CDH13: variants seen among roughly 807,000 people sequenced by gnomAD.
CDH13 encodes cadherin 13, also known as cadherin-13.
A neutral mutation model predicts 63.8 loss-of-function variants in CDH13; 24 were observed. The observed-to-expected ratio is 0.38, with a 90% confidence interval of 0.27 to 0.53. The LOEUF (loss-of-function observed/expected upper bound fraction) is 0.53. CDH13 is among the 20% of genes least tolerant of loss of function. The pLI, the probability that CDH13 is intolerant of heterozygous loss-of-function variation, is 0.85. For missense variants in CDH13, 1,049 were observed against 903.1 expected, an observed-to-expected ratio of 1.16 and a Z score of -2.07; for synonymous variants, 503 against 355.3, an observed-to-expected ratio of 1.42 and a Z score of -4.67.
chr16:82,949,220 G>C (rs924970036), intron 2 of CDH13, among the ~76,000 whole-genome samples: 1 of 152,162 alleles, frequency 6.6e-6, no homozygotes, highest in East Asian at 1.9e-4. Context: ...AGAGTGTCTA[G>C]GGGAGGATTC....
chr16:83,149,465 A>C (rs2036883971), intron 4 of CDH13, among the ~76,000 whole-genome samples: 1 of 152,234 alleles, frequency 6.6e-6, no homozygotes, highest in Non-Finnish European at 1.5e-5. Context: ...TCATATGGGC[A>C]GGAACTGAGA....
At chr16:83,325,917 T>G (rs2090349640) in intron 5 of CDH13, among the ~76,000 whole-genome samples, 2 of 152,172 alleles carry the variant, frequency 1.3e-5, no homozygotes, top group South Asian at 4.1e-4. Context: ...GTCCACAATG[T>G]CCCTTCTTCT....
rs532632282 is a variant in CDH13 at position 83,611,625 on chromosome 16, A to G, written c.1101+9031A>G. 2.3e-4 allele frequency among the ~76,000 whole-genome samples: 35 copies of G among 151,448 alleles called. No homozygotes were observed. In the South Asian group the frequency reaches 6.7e-3, roughly 29 times the overall value. ...ATGATACTTTAATCATTGATTTTCA[A>G]TCTTTCTTTTTTTCTAATGTATGGA... On this transcript the variant is annotated intron_variant, in intron 8 of 13. Transcript: ENST00000567109.
intron 6 of CDH13, among the ~76,000 whole-genome samples, chr16:83,417,453 G>A (rs1043631317): frequency 3.3e-5 from 5 of 152,024 alleles, no homozygotes; most frequent in Admixed American, 2.0e-4. Context: ...ATCTTAACCT[G>A]TCGTGACACC....
intron 7 of CDH13, among the ~76,000 whole-genome samples, chr16:83,548,096 A>AG (rs66755956): frequency 1.3e-5 from 2 of 151,748 alleles, no homozygotes; most frequent in African/African-American, 4.8e-5. Flanking sequence ...TGGAGCAGGA[A>AG]GGGGGGGATG....
In CDH13 at chr16:83,270,011, T is replaced by C. The variant is rs2088752889; in HGVS notation, c.636+52514T>C. ...ATAATGTACTACACCTCCTGAGAAA[T>C]AGATCTTCTGCAACATTTTCATTAA... On this transcript the variant is annotated intron_variant, in intron 5 of 13. Coordinates refer to ENST00000567109, the MANE Select transcript of CDH13 (RefSeq NM_001257.5). 2.6e-5 allele frequency among the ~76,000 whole-genome samples: 4 copies of C among 152,214 alleles called. 1 individual carries two copies. The highest frequency in any genetic ancestry group is 2.6e-4 in the Admixed American group (4 of 15,280).
intron 8 of CDH13, among the ~76,000 whole-genome samples, chr16:83,647,652 AT>A (rs1422831157): frequency 1.3e-5 from 2 of 152,170 alleles, no homozygotes; most frequent in African/African-American, 4.8e-5. Context: ...AAATTGACAG[AT>A]TTTTCCATAT....
chr16:83,573,987 A>G (rs1310266592), intron 7 of CDH13, among the ~76,000 whole-genome samples: 1 of 152,024 alleles, frequency 6.6e-6, no homozygotes, highest in East Asian at 1.9e-4. Context: ...GGAGATGAGG[A>G]TCCCCAGATA....
intron 6 of CDH13, among the ~76,000 whole-genome samples, chr16:83,374,882 C>G (rs1397839408): frequency 6.6e-6 from 1 of 152,196 alleles, no homozygotes; most frequent in African/African-American, 2.4e-5. Flanking sequence ...TTCAGAATAT[C>G]TCCTTTCTAC....
Position 83,054,686 on chromosome 16 carries a change from A to G in CDH13, c.366+22468A>G, listed in dbSNP as rs8063131. 8.2e-4 allele frequency among the ~76,000 whole-genome samples: 125 copies of G among 152,294 alleles called. 1 individual carries two copies. Among genetic ancestry groups the G allele is most frequent in the African/African-American group, 2.7e-3 (112 of 41,574 alleles). The stretch of plus-strand genomic sequence containing the variant: ...ACAGATAAGAGGGTGACTGGTGTAT[A>G]AAATAAAACTAATATATATAATAGA... On this transcript the variant is annotated intron_variant, in intron 3 of 13. Transcript: ENST00000567109.
At chr16:83,372,749 T>TCA (rs1555537364) in intron 6 of CDH13, among the ~76,000 whole-genome samples, 1,156 of 95,342 alleles carry the variant, frequency 0.012, 77 homozygotes, top group African/African-American at 0.036. Flanking sequence ...AGACTCGGTC[T>TCA]AAAAAAAAAA....
rs549933070 is a variant in CDH13 at position 82,751,234 on chromosome 16, T to C, written c.46-107128T>C. On this transcript the variant is annotated intron_variant, in intron 1 of 13. Transcript: ENST00000567109. ...TGGGCTTGCAACATGTACAATTGCATAGGGCCCTGTGCTTAACAGGAGGGC... is the reference window on the plus strand; with the variant it reads ...TGGGCTTGCAACATGTACAATTGCACAGGGCCCTGTGCTTAACAGGAGGGC... Among the ~76,000 whole-genome samples, 4 of 152,334 alleles carry C rather than the reference T, an allele frequency of 2.6e-5. No individual in the cohort carries two copies. The East Asian group carries it at 7.7e-4, about 29-fold the overall frequency.
At chr16:83,142,073 G>A (rs552518879) in intron 4 of CDH13, among the ~76,000 whole-genome samples, 16 of 152,102 alleles carry the variant, frequency 1.1e-4, no homozygotes, top group African/African-American at 3.6e-4. Flanking sequence ...GGAGAACAAC[G>A]GATATAACCG....
rs544056630 is a variant in CDH13 at position 83,007,995 on chromosome 16, A to C, written c.158-24015A>C. 3.3e-5 allele frequency among the ~76,000 whole-genome samples: 5 copies of C among 152,224 alleles called. No individual in the cohort carries two copies. The South Asian group carries it at 8.3e-4, about 25-fold the overall frequency. On this transcript the variant is annotated intron_variant, in intron 2 of 13. Transcript: ENST00000567109. ...CCTACCGACTTACTTGGCTATTTTC[A>C]TTCATCATTAAGTGATTGATGGATC...
chr16:82,900,505 G>A (rs1490428409), intron 2 of CDH13, among the ~76,000 whole-genome samples: 1 of 152,146 alleles, frequency 6.6e-6, no homozygotes, highest in Non-Finnish European at 1.5e-5. Flanking sequence ...CAAGAGATAA[G>A]AAATAACTTC....
intron 10 of CDH13, among the ~76,000 whole-genome samples, chr16:83,729,719 A>G (rs1473404375): frequency 2.6e-5 from 4 of 152,224 alleles, no homozygotes; most frequent in African/African-American, 9.6e-5. Context: ...GTGCTTGGAA[A>G]TTCCCTGGCA....
chr16:83,188,103 C>A (rs1202405250), intron 4 of CDH13, among the ~76,000 whole-genome samples: 1 of 152,182 alleles, frequency 6.6e-6, no homozygotes, highest in Non-Finnish European at 1.5e-5. Context: ...TCTTGGAGCC[C>A]ACCATGAGGA....
At chr16:82,674,935 A>T (rs941229905) in intron 1 of CDH13, among the ~76,000 whole-genome samples, 2 of 152,254 alleles carry the variant, frequency 1.3e-5, no homozygotes, top group Non-Finnish European at 2.9e-5. Flanking sequence ...TTTGATGGAT[A>T]TCAAAAAGCT....
rs1426622109 is a variant in CDH13 at position 83,562,387 on chromosome 16, C to G, written c.961-40067C>G. Among the ~76,000 whole-genome samples, 3 of 152,336 alleles carry G rather than the reference C, an allele frequency of 2.0e-5. 1 individual carries two copies. Among genetic ancestry groups the G allele is most frequent in the African/African-American group, 4.8e-5 (2 of 41,586 alleles). On this transcript the variant is annotated intron_variant, in intron 7 of 13. Coordinates refer to ENST00000567109, the MANE Select transcript of CDH13 (RefSeq NM_001257.5). ...AAAAATTAGCAAACAGCACCAACTTCTTTTCTTATGTAACCCACAGTGAAC... is the reference window on the plus strand; with the variant it reads ...AAAAATTAGCAAACAGCACCAACTTGTTTTCTTATGTAACCCACAGTGAAC...
Sources: gnomAD v4.1 joint callset for allele counts (sites outside exome capture counted in the v4.1 genomes callset) on GRCh38, gnomAD v4.1.1 for gene constraint, MANE v1.5 for transcripts, NCBI Gene and HGNC (gene_info 2026-07-23, HGNC 2026-07-21) for gene names.